Variants in IRAG1 observed in about 807,000 individuals in gnomAD.
IRAG1 encodes the protein IP3R-associated cGMP kinase substrate.
Under a neutral mutation model 106.2 loss-of-function variants are expected in IRAG1, and 62 were observed. The ratio of observed to expected loss-of-function variants is 0.58; its 90% CI spans 0.48 to 0.72. The LOEUF (loss-of-function observed/expected upper bound fraction) is 0.72. Ranked by LOEUF, IRAG1 falls within the 30% of genes least tolerant of loss-of-function variation. The probability of loss-of-function intolerance (pLI) is 0.00; values close to 1 mark genes in which losing one functional copy is unlikely to be tolerated. For missense variants in IRAG1, 1,064 were observed against 1,140.7 expected, an observed-to-expected ratio of 0.93 and a Z score of 0.97; for synonymous variants, 462 against 443.9, an observed-to-expected ratio of 1.04 and a Z score of -0.51.
chr11:10,631,500 G>A (rs868088263), intron 4 of IRAG1, among the ~76,000 whole-genome samples: 6 of 152,276 alleles, frequency 3.9e-5, no homozygotes, highest in Middle Eastern at 3.4e-3. Context: ...ATCATACAGT[G>A]TCCCAATTAT....
Position 10,588,425 on chromosome 11 carries a change from C to T in IRAG1, c.2240+3123G>A, listed in dbSNP as rs181223994. 5.0e-3 allele frequency among the ~76,000 whole-genome samples: 754 copies of T among 152,298 alleles called. 7 individuals carry two copies. The highest frequency in any genetic ancestry group is 6.8e-3 in the Non-Finnish European group (462 of 68,030). ...AGTGCAGTGGTGCAATCTCAGCTCACTGAAACTTCTCCCGGCTGGGGTCAA... is the reference window on the plus strand; with the variant it reads ...AGTGCAGTGGTGCAATCTCAGCTCATTGAAACTTCTCCCGGCTGGGGTCAA... On this transcript the variant is annotated intron_variant, in intron 18 of 20. Transcript: ENST00000423302.
At chr11:10,640,003 TGA>T (rs1163001556) in intron 2 of IRAG1, among the ~76,000 whole-genome samples, 1 of 152,190 alleles carries the variant, frequency 6.6e-6, no homozygotes, top group Non-Finnish European at 1.5e-5. Context: ...AAAGGTGAAC[TGA>T]GCGGGCCTCT....
intron 1 of IRAG1, chr11:10,690,233 T>C: frequency 2.7e-6 from 1 of 367,618 alleles, no homozygotes; most frequent in Non-Finnish European, 4.9e-6. Flanking sequence ...TTACTAAAAA[T>C]GTAAAAATTA....
chr11:10,593,930 A>G (rs1156880909), intron 16 of IRAG1: 2 of 589,776 alleles, frequency 3.4e-6, no homozygotes, highest in Non-Finnish European at 6.0e-6. Flanking sequence ...TGATCACTTC[A>G]TGTTCATTTA....
In IRAG1 at chr11:10,628,234, A is replaced by G; in HGVS notation, c.653-209T>C. 1 of 683,848 alleles carries G rather than the reference A, an allele frequency of 1.5e-6. No homozygotes were observed. The highest frequency in any genetic ancestry group is 2.7e-5 in the East Asian group (1 of 36,864). The allele number at this position is 683,848 out of a possible 1,614,324, so 42.4% of individuals were successfully genotyped here. ...GAGGAAACTGAGGCACAGGGAAATCAAAGTCTCATGGCCAGGAAATGTCAG... is the reference window on the plus strand; with the variant it reads ...GAGGAAACTGAGGCACAGGGAAATCGAAGTCTCATGGCCAGGAAATGTCAG... On this transcript the variant is annotated intron_variant, in intron 6 of 20. Coordinates refer to ENST00000423302, the MANE Select transcript of IRAG1 (RefSeq NM_130385.4). The surrounding 1 kb of genome is among the most constrained non-coding windows in gnomAD (Gnocchi z 4.1).
intron 1 of IRAG1, among the ~76,000 whole-genome samples, chr11:10,667,703 T>A (rs1859895224): frequency 6.6e-6 from 1 of 152,062 alleles, no homozygotes; most frequent in African/African-American, 2.4e-5. Context: ...CTCCCTCAAG[T>A]CAAACATTTC....
intron 1 of IRAG1, among the ~76,000 whole-genome samples, chr11:10,682,564 G>C (rs1363582965): frequency 6.6e-6 from 1 of 152,156 alleles, no homozygotes; most frequent in Non-Finnish European, 1.5e-5. Context: ...TATACATGGA[G>C]ATAACTGCAA....
Position 10,628,640 on chromosome 11 carries a change from G to C in IRAG1, c.652+111C>G, listed in dbSNP as rs1237727757. ...TGCTCTGGGTGTGAAGGGGCCATCA[G>C]AGTTCTTGAAGGGGAAGCCTGCAGG... On this transcript the variant is annotated intron_variant, in intron 6 of 20. Coordinates refer to ENST00000423302, the MANE Select transcript of IRAG1 (RefSeq NM_130385.4). The surrounding 1 kb of genome is among the most constrained non-coding windows in gnomAD (Gnocchi z 4.1). The C allele has an allele frequency of 1.1e-6, 1 of 917,148 alleles. No individual in the cohort carries two copies. The highest frequency in any genetic ancestry group is 1.6e-6 in the Non-Finnish European group (1 of 632,298). 56.8% of individuals were successfully genotyped at this position (917,148 alleles called of 1,614,324 possible). A position where few individuals can be genotyped will look rare whatever the true frequency, so the allele number is the denominator to read the frequency against.
At chr11:10,615,867 G>A (rs1055622817) in intron 10 of IRAG1, among the ~76,000 whole-genome samples, 2 of 150,664 alleles carry the variant, frequency 1.3e-5, no homozygotes, top group Admixed American at 6.7e-5. Flanking sequence ...CACCAACATG[G>A]CACATGTATA....
intron 1 of IRAG1, among the ~76,000 whole-genome samples, chr11:10,652,938 C>A (rs1330244297): frequency 6.6e-6 from 1 of 152,144 alleles, no homozygotes; most frequent in Non-Finnish European, 1.5e-5. Flanking sequence ...CCACCCCTGG[C>A]AACCTTAGAT....
chr11:10,652,192 T>C lies in IRAG1; in HGVS notation c.68-10A>G, dbSNP rs4909945. 1,164,614 of 1,613,118 alleles carry C rather than the reference T, an allele frequency of 0.72. 427,069 individuals are homozygous for C. Among genetic ancestry groups the C allele is most frequent in the East Asian group, 0.99 (44,300 of 44,848 alleles). On this transcript the variant is annotated splice_polypyrimidine_tract_variant and intron_variant, in intron 1 of 20. Coordinates refer to ENST00000423302, the MANE Select transcript of IRAG1 (RefSeq NM_130385.4). ...GCCTGGGCTCCACAGGCTGGGGAGA[T>C]GCCAAAAGGACAAGTCAAATCCATT...
intron 10 of IRAG1, among the ~76,000 whole-genome samples, chr11:10,622,788 C>T (rs758188128): frequency 3.9e-5 from 6 of 151,934 alleles, no homozygotes; most frequent in Non-Finnish European, 7.4e-5. Flanking sequence ...TTCACCTAGC[C>T]CCCTGCCACA....
chr11:10,580,976 G>A (rs886768421), intron 19 of IRAG1, among the ~76,000 whole-genome samples: 1 of 152,212 alleles, frequency 6.6e-6, no homozygotes, highest in Non-Finnish European at 1.5e-5. Flanking sequence ...TTCACAGGGC[G>A]TTGGAATGAT....
At chr11:10,652,491 A>G in intron 1 of IRAG1, 1 of 548,160 alleles carries the variant, frequency 1.8e-6, no homozygotes, top group Non-Finnish European at 2.9e-6. Context: ...TACTCCATTG[A>G]GATCACATTG....
At chr11:10,600,878 C>A (rs756280149) in intron 15 of IRAG1, 40 bp downstream of exon 15, 7 of 1,611,826 alleles carry the variant, frequency 4.3e-6, no homozygotes, top group Non-Finnish European at 5.9e-6. Flanking sequence ...TGGAAGTCCA[C>A]CTTGTAGGGC....
chr11:10,672,654 A>G (rs1421421249), intron 1 of IRAG1, among the ~76,000 whole-genome samples: 1 of 152,232 alleles, frequency 6.6e-6, no homozygotes, highest in African/African-American at 2.4e-5. Flanking sequence ...GGGTGGTTAA[A>G]ATAAAAAAGA....
At chr11:10,615,483 GTATGTT>G (rs1855320599) in intron 10 of IRAG1, among the ~76,000 whole-genome samples, 1 of 152,120 alleles carries the variant, frequency 6.6e-6, no homozygotes, top group Non-Finnish European at 1.5e-5. Flanking sequence ...ACATGCACAC[GTATGTT>G]TATTGCAGCA....
At chr11:10,609,226 C>T (rs1854736012) in intron 11 of IRAG1, among the ~76,000 whole-genome samples, 1 of 152,052 alleles carries the variant, frequency 6.6e-6, no homozygotes, top group African/African-American at 2.4e-5. Flanking sequence ...CTAGATGTGC[C>T]CTATTTTATG....
intron 1 of IRAG1, among the ~76,000 whole-genome samples, chr11:10,692,265 C>T (rs1408727754): frequency 6.6e-6 from 1 of 152,028 alleles, no homozygotes; most frequent in Non-Finnish European, 1.5e-5. Context: ...ACTGTTTTGT[C>T]CATTAGGTCA....
Sources: allele counts gnomAD v4.1 joint callset (sites outside exome capture counted in the v4.1 genomes callset), GRCh38; gene constraint gnomAD v4.1.1; non-coding constraint Gnocchi (gnomAD v3.1); transcripts MANE v1.5; gene names NCBI Gene and HGNC (gene_info 2026-07-23, HGNC 2026-07-21).